The following MALRD1 variants were observed in gnomAD, a reference collection of about 807,000 sequenced individuals.
The protein encoded by MALRD1 is MAM and LDL receptor class A domain containing 1, also known as MAM and LDL-receptor class A domain-containing protein 1.
Under a neutral mutation model 242.1 loss-of-function variants are expected in MALRD1, and 247 were observed. That is an observed-to-expected ratio of 1.02 (90% CI 0.92 to 1.13). The LOEUF (loss-of-function observed/expected upper bound fraction) is 1.13, where lower values mean the gene tolerates loss of function less well. MALRD1 is among the 50% of genes most tolerant of loss of function. The pLI, the probability that MALRD1 is intolerant of heterozygous loss-of-function variation, is 0.00. For synonymous variants in MALRD1, 995 were observed against 866.6 expected (o/e 1.15, Z -2.60); for missense variants, 2,989 against 2,533.1 (o/e 1.18, Z -3.86).
intron 12 of MALRD1, 56 bp from the exon 13 acceptor site, chr10:19,165,581 A>G (rs1461761598): frequency 8.4e-7 from 1 of 1,188,584 alleles, no homozygotes; most frequent in East Asian, 3.2e-5. Context: ...TATAGGAAAA[A>G]CTACCAGAGA....
chr10:19,533,534 C>A (rs998841869), intron 32 of MALRD1, among the ~76,000 whole-genome samples: 1 of 152,144 alleles, frequency 6.6e-6, no homozygotes, highest in Non-Finnish European at 1.5e-5. Flanking sequence ...CATAGTTCTA[C>A]AGGCTGTACA....
Position 19,049,147 on chromosome 10 carries a change from A to T in MALRD1, c.199+10A>T, listed in dbSNP as rs1834412222. 2 of 1,233,658 alleles carry T rather than the reference A, an allele frequency of 1.6e-6. No homozygotes were observed. The highest frequency in any genetic ancestry group is 1.6e-5 in the African/African-American group (1 of 64,480). The allele number at this position is 1,233,658 out of a possible 1,614,324, so 76.4% of individuals were successfully genotyped here. On this transcript the variant is annotated intron_variant, in intron 1 of 39. Coordinates refer to ENST00000454679, the MANE Select transcript of MALRD1 (RefSeq NM_001142308.3). ...AGTGATGAACGGCACTGTAAGTGAC[A>T]TTCTCCTTTCTCCAATTTCAATTCC...
intron 22 of MALRD1, among the ~76,000 whole-genome samples, chr10:19,326,944 A>C (rs1843159776): frequency 6.6e-6 from 1 of 152,036 alleles, no homozygotes; most frequent in African/African-American, 2.4e-5. Flanking sequence ...ATTTTGTATC[A>C]TTCTAAAAGA....
At chr10:19,114,994 C>G (rs1359155395) in intron 5 of MALRD1, among the ~76,000 whole-genome samples, 1 of 152,088 alleles carries the variant, frequency 6.6e-6, no homozygotes, top group Non-Finnish European at 1.5e-5. Flanking sequence ...TTAGTTAGCT[C>G]TATAAAGGCT....
At chr10:19,610,805 C>A (rs1276549134) in intron 35 of MALRD1, among the ~76,000 whole-genome samples, 1 of 151,924 alleles carries the variant, frequency 6.6e-6, no homozygotes, top group Non-Finnish European at 1.5e-5. Flanking sequence ...ATATGAAAGG[C>A]CTCACTTTCC....
chr10:19,691,195 C>A (rs755844173), intron 36 of MALRD1, among the ~76,000 whole-genome samples: 6 of 152,074 alleles, frequency 3.9e-5, no homozygotes, highest in Admixed American at 6.6e-5. Context: ...TTTATTTTAA[C>A]TTGAATTGCA....
intron 6 of MALRD1, among the ~76,000 whole-genome samples, chr10:19,123,874 A>C (rs1837155331): frequency 6.6e-6 from 1 of 152,188 alleles, no homozygotes; most frequent in Non-Finnish European, 1.5e-5. Context: ...TAACTAATCT[A>C]ATCCCATAAA....
chr10:19,233,516 C>CA (rs1194225048), intron 18 of MALRD1, among the ~76,000 whole-genome samples: 1 of 151,624 alleles, frequency 6.6e-6, no homozygotes, highest in East Asian at 1.9e-4. Context: ...AACAAACAAA[C>CA]AAAAATCAAT....
intron 18 of MALRD1, among the ~76,000 whole-genome samples, chr10:19,244,667 C>G (rs1838961322): frequency 6.6e-6 from 1 of 152,138 alleles, no homozygotes; most frequent in Non-Finnish European, 1.5e-5. Flanking sequence ...GCCATTGCTA[C>G]TTGCATTTTC....
intron 38 of MALRD1, among the ~76,000 whole-genome samples, chr10:19,728,771 AACTAC>A (rs2131933911): frequency 6.6e-6 from 1 of 152,190 alleles, no homozygotes; most frequent in East Asian, 1.9e-4. Context: ...TGCATTTCAA[AACTAC>A]ACTTCACTCC....
At chr10:19,681,882 A>T (rs1464318327) in intron 36 of MALRD1, among the ~76,000 whole-genome samples, 1 of 136,818 alleles carries the variant, frequency 7.3e-6, no homozygotes, top group East Asian at 2.1e-4. Context: ...TTTTTGAGAC[A>T]GAGTCTTGCT....
chr10:19,729,721 C>CTTTTTTTTTTT (rs35279728), intron 38 of MALRD1, among the ~76,000 whole-genome samples: 4 of 40,696 alleles, frequency 9.8e-5, no homozygotes, highest in African/African-American at 1.0e-4. Flanking sequence ...TCTATTAATT[C>CTTTTTTTTTTT]TTTTTTTTTT....
intron 36 of MALRD1, among the ~76,000 whole-genome samples, chr10:19,690,506 T>C (rs1842772232): frequency 6.6e-6 from 1 of 152,046 alleles, no homozygotes; most frequent in Non-Finnish European, 1.5e-5. Context: ...TCTAAATGGG[T>C]GACGAGGTTT....
At chr10:19,117,951 CAA>C (rs35337875) in intron 5 of MALRD1, among the ~76,000 whole-genome samples, 8,129 of 152,178 alleles carry the variant, frequency 0.053, 440 homozygotes, top group Admixed American at 0.17. Context: ...GGTGAAAAAG[CAA>C]ATAGTAATCA....
At chr10:19,366,886 C>T (rs1845132221) in intron 26 of MALRD1, among the ~76,000 whole-genome samples, 1 of 152,080 alleles carries the variant, frequency 6.6e-6, no homozygotes, top group Non-Finnish European at 1.5e-5. Flanking sequence ...GTAGTTGCCC[C>T]ACATCTTCAC....
intron 19 of MALRD1, among the ~76,000 whole-genome samples, chr10:19,270,133 G>C (rs548446375): frequency 8.5e-5 from 13 of 152,226 alleles, no homozygotes; most frequent in Middle Eastern, 3.4e-3. Flanking sequence ...TGGCCAACAC[G>C]GTGAAACCCG....
intron 33 of MALRD1, among the ~76,000 whole-genome samples, chr10:19,592,533 T>A (rs1198755559): frequency 6.6e-6 from 1 of 152,060 alleles, no homozygotes; most frequent in Non-Finnish European, 1.5e-5. Context: ...TTGATGTGGA[T>A]GGAGAAAGCT....
chr10:19,719,224 A>ATG (rs1834604944), intron 38 of MALRD1, among the ~76,000 whole-genome samples: 1 of 3,732 alleles, frequency 2.7e-4, no homozygotes, highest in African/African-American at 9.0e-4. Flanking sequence ...ACATACATAC[A>ATG]TATATATATA....
intron 18 of MALRD1, among the ~76,000 whole-genome samples, chr10:19,247,254 G>A (rs964001699): frequency 6.6e-6 from 1 of 151,842 alleles, no homozygotes; most frequent in African/African-American, 2.4e-5. Flanking sequence ...AAAACAAAAA[G>A]CCTTAAGAAA....
Sources: allele counts gnomAD v4.1 joint callset (sites outside exome capture counted in the v4.1 genomes callset), GRCh38; gene constraint gnomAD v4.1.1; transcripts MANE v1.5; gene names NCBI Gene and HGNC (gene_info 2026-07-23, HGNC 2026-07-21).